The following DIP2C variants were observed in gnomAD, a reference collection of about 807,000 sequenced individuals.
DIP2C encodes the protein disco-interacting protein 2 homolog C.
In DIP2C, 33 loss-of-function variants were observed where a neutral mutation model predicts 192.4. The observed-to-expected ratio is 0.17, with a 90% CI of 0.13 to 0.23. The LOEUF is 0.23. DIP2C is among the 10% of genes least tolerant of loss of function. DIP2C has a pLI of 1.00. For missense variants in DIP2C, 1,537 were observed against 2,110.1 expected, an observed-to-expected ratio of 0.73 and a Z score of 5.32; for synonymous variants, 979 against 864.1, an observed-to-expected ratio of 1.13 and a Z score of -2.33.
At chr10:404,044 T>C (rs2133046873) in intron 9 of DIP2C, among the ~76,000 whole-genome samples, 1 of 149,922 alleles carries the variant, frequency 6.7e-6, no homozygotes, top group South Asian at 2.2e-4. Flanking sequence ...TACTCTTCCT[T>C]ATGGACAAGT....
chr10:628,760 G>T (rs142032825), intron 1 of DIP2C: 1 of 152,548 alleles, frequency 6.6e-6, no homozygotes, highest in East Asian at 1.9e-4. Context: ...AAGCACAGCT[G>T]GCCTCGGGGA....
chr10:575,922 C>A (rs916982207), intron 1 of DIP2C, among the ~76,000 whole-genome samples: 1 of 152,220 alleles, frequency 6.6e-6, no homozygotes, highest in Admixed American at 6.5e-5. Flanking sequence ...TGAGCTCGCA[C>A]TTTCAGGATT....
chr10:320,340 C>T lies in DIP2C; in HGVS notation c.3924+6666G>A, dbSNP rs530490102. Among the ~76,000 whole-genome samples, 69 of 151,206 alleles carry T rather than the reference C, an allele frequency of 4.6e-4. 1 individual carries two copies. In the South Asian group the frequency reaches 9.6e-3, roughly 21 times the overall value. On this transcript the variant is annotated intron_variant, in intron 31 of 36. Coordinates refer to ENST00000280886, the MANE Select transcript of DIP2C (RefSeq NM_014974.3). ...CTGGCCAACATGGCAAAATCCTGTCCCTGCTAAATATACAAAAATTAGCTC... is the reference window on the plus strand; with the variant it reads ...CTGGCCAACATGGCAAAATCCTGTCTCTGCTAAATATACAAAAATTAGCTC...
intron 1 of DIP2C, among the ~76,000 whole-genome samples, chr10:625,068 G>A (rs1588628920): frequency 3.3e-5 from 5 of 152,330 alleles, no homozygotes; most frequent in Admixed American, 6.5e-5. Context: ...TATGGGCACC[G>A]TCATTTTAGA....
At chr10:663,207 C>G (rs1454804066) in intron 1 of DIP2C, 1 of 351,684 alleles carries the variant, frequency 2.8e-6, no homozygotes, top group Non-Finnish European at 5.1e-6. Flanking sequence ...GGAGATGGTA[C>G]AAGAAAGCAA....
chr10:568,749 G>A, intron 1 of DIP2C, among the ~76,000 whole-genome samples: 1 of 113,202 alleles, frequency 8.8e-6, no homozygotes, highest in South Asian at 3.3e-4. Flanking sequence ...CTGGGCGACA[G>A]AGGGAAACTC....
intron 32 of DIP2C, among the ~76,000 whole-genome samples, chr10:299,010 A>G (rs1228582160): frequency 6.6e-6 from 1 of 152,220 alleles, no homozygotes; most frequent in East Asian, 1.9e-4. Context: ...AATTTTTTCA[A>G]ATTAATTTCA....
At chr10:572,124 T>TA (rs1307141767) in intron 1 of DIP2C, among the ~76,000 whole-genome samples, 3 of 152,232 alleles carry the variant, frequency 2.0e-5, no homozygotes, top group Non-Finnish European at 4.4e-5. Flanking sequence ...ATCCTAGTGG[T>TA]AACAGGAGAC....
At chr10:519,402 C>T (rs1846558409) in intron 1 of DIP2C, among the ~76,000 whole-genome samples, 1 of 152,250 alleles carries the variant, frequency 6.6e-6, no homozygotes, top group African/African-American at 2.4e-5. Context: ...GGTTTCTGAA[C>T]TCATTCAATC....
chr10:331,947 A>T (rs1957527889), intron 29 of DIP2C, among the ~76,000 whole-genome samples: 1 of 151,688 alleles, frequency 6.6e-6, no homozygotes, highest in Non-Finnish European at 1.5e-5. Flanking sequence ...TCTGAGACAG[A>T]GTCTTACTTT....
chr10:657,191 TGCTGGACCTGCCGCTGGACTTGA>T (rs1856402173), intron 1 of DIP2C, among the ~76,000 whole-genome samples: 1 of 100,376 alleles, frequency 1.0e-5, no homozygotes, highest in Non-Finnish European at 2.0e-5. Flanking sequence ...CTGGACCTGA[TGCTGGACCTGCCGCTGGACTTGA>T]CCCTGGACCT....
At chr10:312,151 T>G (rs1956593257) in intron 31 of DIP2C, among the ~76,000 whole-genome samples, 1 of 152,064 alleles carries the variant, frequency 6.6e-6, no homozygotes, top group Admixed American at 6.6e-5. Flanking sequence ...CAGGAGGAGT[T>G]TCCACCCCAG....
chr10:424,643 C>T (rs1159920695), intron 4 of DIP2C, among the ~76,000 whole-genome samples: 1 of 152,142 alleles, frequency 6.6e-6, no homozygotes, highest in African/African-American at 2.4e-5. Context: ...AGATTACAGG[C>T]CTGAGCCACC....
chr10:658,960 T>A (rs896697382), intron 1 of DIP2C, among the ~76,000 whole-genome samples: 4 of 152,014 alleles, frequency 2.6e-5, no homozygotes, highest in African/African-American at 9.7e-5. Flanking sequence ...CAGACACATA[T>A]CTCACACACA....
intron 1 of DIP2C, among the ~76,000 whole-genome samples, chr10:532,834 A>G (rs1847496260): frequency 6.6e-6 from 1 of 150,682 alleles, no homozygotes; most frequent in South Asian, 2.1e-4. Context: ...GGCACAGTGC[A>G]CCACAAGTAC....
rs148596417 is a variant in DIP2C at position 357,949 on chromosome 10, C to G, written c.2795-12G>C. On this transcript the variant is annotated splice_polypyrimidine_tract_variant and intron_variant, in intron 22 of 36. Transcript: ENST00000280886. ...GGCAGGGCCGATTTCTAGAAAGAAA[C>G]AGAGACATGGCCATGAGGAAACAAA... The G allele has an allele frequency of 8.8e-6, 14 of 1,594,380 alleles. 1 individual carries two copies. In the African/African-American group the frequency reaches 1.2e-4, roughly 14 times the overall value.
intron 10 of DIP2C, 50 bp from the exon 11 acceptor site, chr10:390,913 G>A (rs772648008): frequency 2.6e-5 from 42 of 1,600,154 alleles, no homozygotes; most frequent in South Asian, 1.8e-4. Flanking sequence ...GCCCCACTCC[G>A]CCCAGCCTTC....
intron 7 of DIP2C, among the ~76,000 whole-genome samples, chr10:415,235 C>A (rs79703573): frequency 6.6e-6 from 1 of 152,044 alleles, no homozygotes; most frequent in Non-Finnish European, 1.5e-5. Flanking sequence ...CAAAATCAGT[C>A]GTTTCTACTT....
intron 1 of DIP2C, among the ~76,000 whole-genome samples, chr10:639,347 G>A (rs1342672835): frequency 2.1e-5 from 3 of 142,340 alleles, no homozygotes; most frequent in South Asian, 2.3e-4. Flanking sequence ...GTGTCAGGTC[G>A]GGAGGGTGCT....
Sources: allele counts gnomAD v4.1 joint callset (sites outside exome capture counted in the v4.1 genomes callset), GRCh38; gene constraint gnomAD v4.1.1; transcripts MANE v1.5; gene names NCBI Gene and HGNC (gene_info 2026-07-23, HGNC 2026-07-21).